Variants in LRRC7 observed in about 807,000 individuals in gnomAD.
LRRC7 encodes leucine-rich repeat-containing protein 7.
LRRC7 carries 23 observed loss-of-function variants against 175.7 expected under a neutral mutation model. That is an observed-to-expected ratio of 0.13 (90% CI 0.09 to 0.19). The LOEUF is 0.19. LRRC7 is among the 10% of genes least tolerant of loss of function. The probability of loss-of-function intolerance (pLI) is 1.00; values close to 1 mark genes in which losing one functional copy is unlikely to be tolerated. For missense variants in LRRC7, 1,354 were observed against 1,904.7 expected (o/e 0.71, Z 5.38); for synonymous variants, 685 against 680.9 (o/e 1.01, Z -0.09).
At position 69,825,870 on chromosome 1, in the gene LRRC7, T is replaced by A. The variant is rs372384712; in HGVS notation, c.500+44T>A. 7 of 1,213,296 alleles carry A rather than the reference T, an allele frequency of 5.8e-6. No individual in the cohort carries two copies. In the African/African-American group the frequency reaches 1.1e-4, roughly 19 times the overall value. The allele number at this position is 1,213,296 out of a possible 1,614,324, so 75.2% of individuals were successfully genotyped here. A position where few individuals can be genotyped will look rare whatever the true frequency, so the allele number is the denominator to read the frequency against. On this transcript the variant is annotated intron_variant, in intron 5 of 26. Transcript: ENST00000651989. ...ATTTTATTTGTATTTATATTTCCAT[T>A]GTATAATAATGTACCTAAATAGAGG...
chr1:70,103,000 G>A (rs1039763881), intron 25 of LRRC7, among the ~76,000 whole-genome samples: 1 of 152,072 alleles, frequency 6.6e-6, no homozygotes, highest in Non-Finnish European at 1.5e-5. Flanking sequence ...AGGCCGAGGT[G>A]GGCAAATCAC....
At chr1:70,071,747 G>A (rs1321267926) in intron 23 of LRRC7, among the ~76,000 whole-genome samples, 2 of 152,048 alleles carry the variant, frequency 1.3e-5, no homozygotes, top group African/African-American at 4.8e-5. Context: ...CTTTTAAGGC[G>A]GTGTTTGATT....
intron 7 of LRRC7, among the ~76,000 whole-genome samples, chr1:69,880,511 A>C (rs1447517427): frequency 6.6e-6 from 1 of 152,184 alleles, no homozygotes; most frequent in African/African-American, 2.4e-5. Flanking sequence ...AACTTCTTAG[A>C]TCCTCTTAAA....
At chr1:69,743,079 A>G (rs1384523976) in intron 2 of LRRC7, among the ~76,000 whole-genome samples, 32 of 152,056 alleles carry the variant, frequency 2.1e-4, no homozygotes, top group African/African-American at 2.4e-5. Context: ...AAGTATGAAT[A>G]TGCTTGGACT....
chr1:69,649,196 C>A (rs1028097301), intron 1 of LRRC7, among the ~76,000 whole-genome samples: 1 of 152,200 alleles, frequency 6.6e-6, no homozygotes, highest in African/African-American at 2.4e-5. Flanking sequence ...AGTTACTTTA[C>A]TTTTTGTTGC....
chr1:69,777,873 A>G (rs2101007554), intron 3 of LRRC7, among the ~76,000 whole-genome samples: 1 of 152,256 alleles, frequency 6.6e-6, no homozygotes, highest in South Asian at 2.1e-4. Flanking sequence ...CACACAGCCA[A>G]CAGTGACCCA....
At chr1:69,585,347 C>A (rs542754276) in intron 1 of LRRC7, among the ~76,000 whole-genome samples, 1 of 152,036 alleles carries the variant, frequency 6.6e-6, no homozygotes, top group East Asian at 1.9e-4. Context: ...ATTCAAAGAG[C>A]AAAAGGGAAG....
intron 7 of LRRC7, among the ~76,000 whole-genome samples, chr1:69,898,171 G>A (rs1385336255): frequency 6.6e-6 from 1 of 152,090 alleles, no homozygotes; most frequent in African/African-American, 2.4e-5. Flanking sequence ...TCTGTTTTAG[G>A]GAATATCAAC....
rs76506614 is a variant in LRRC7, at chr1:69,914,189, A to C, written c.648-17318A>C. ...TGGAATGCATAAGTCCATGCCAAAAATTTGCAGAATCCTGAGTCAGCAAAT... is the reference window on the plus strand; with the variant it reads ...TGGAATGCATAAGTCCATGCCAAAACTTTGCAGAATCCTGAGTCAGCAAAT... On this transcript the variant is annotated intron_variant, in intron 7 of 26. Coordinates refer to ENST00000651989, the MANE Select transcript of LRRC7 (RefSeq NM_001370785.2). 3.9e-3 allele frequency among the ~76,000 whole-genome samples: 598 copies of C among 152,310 alleles called. 3 individuals are homozygous for C. Among genetic ancestry groups the C allele is most frequent in the African/African-American group, 0.013 (553 of 41,580 alleles).
intron 4 of LRRC7, among the ~76,000 whole-genome samples, chr1:69,814,779 G>C (rs887889956): frequency 1.3e-5 from 2 of 152,096 alleles, no homozygotes; most frequent in Non-Finnish European, 2.9e-5. Flanking sequence ...TTTTCTAAAT[G>C]TGTTCCAAGA....
chr1:70,050,661 T>C (rs1434792925), intron 22 of LRRC7, among the ~76,000 whole-genome samples: 1 of 152,052 alleles, frequency 6.6e-6, no homozygotes, highest in East Asian at 1.9e-4. Flanking sequence ...TAGCTTCATT[T>C]TTTTAACATT....
At chr1:69,943,981 C>T (rs920423320) in intron 8 of LRRC7, among the ~76,000 whole-genome samples, 3 of 133,510 alleles carry the variant, frequency 2.2e-5, no homozygotes, top group African/African-American at 7.5e-5. Flanking sequence ...CACACACACA[C>T]ACACACAACA....
At chr1:69,780,162 A>G (rs1298344547) in intron 3 of LRRC7, among the ~76,000 whole-genome samples, 1 of 152,226 alleles carries the variant, frequency 6.6e-6, no homozygotes, top group Non-Finnish European at 1.5e-5. Context: ...TTCGTTGCAT[A>G]TGAATATTTA....
intron 1 of LRRC7, among the ~76,000 whole-genome samples, chr1:69,664,629 A>AT (rs1372070316): frequency 6.6e-6 from 1 of 152,040 alleles, no homozygotes; most frequent in African/African-American, 2.4e-5. Context: ...CTATTCAGAT[A>AT]TTTTGTCCAT....
At chr1:70,073,127 C>T (rs1662514027) in intron 23 of LRRC7, among the ~76,000 whole-genome samples, 1 of 152,150 alleles carries the variant, frequency 6.6e-6, no homozygotes. Context: ...ACCTCTTTAA[C>T]ACTATTGTGA....
rs1452436208 is a variant in LRRC7 at position 70,137,315 on chromosome 1, A to G, written c.*15428A>G. On this transcript the variant is annotated 3_prime_UTR_variant, in exon 27 of 27. Coordinates refer to ENST00000651989, the MANE Select transcript of LRRC7 (RefSeq NM_001370785.2). ...AAGGGCAGCTCCTCCTTTCTGGAGG[A>G]AGGAACTTCATCTTAAGGCTTGATA... Among the ~76,000 whole-genome samples, 2 of 152,170 alleles carry G rather than the reference A, an allele frequency of 1.3e-5. No homozygotes were observed. Among genetic ancestry groups the G allele is most frequent in the Non-Finnish European group, 2.9e-5 (2 of 68,018 alleles).
intron 12 of LRRC7, 127 bp downstream of exon 12, chr1:70,012,053 A>G (rs1571007208): frequency 8.0e-6 from 4 of 501,010 alleles, no homozygotes; most frequent in South Asian, 4.8e-5. Flanking sequence ...AATTATCTAC[A>G]TATATATTTG....
At chr1:69,716,508 T>A (rs1250845847) in intron 2 of LRRC7, among the ~76,000 whole-genome samples, 1 of 151,870 alleles carries the variant, frequency 6.6e-6, no homozygotes, top group Non-Finnish European at 1.5e-5. Context: ...CAATACTTAT[T>A]CCTTCATAAA....
intron 4 of LRRC7, among the ~76,000 whole-genome samples, chr1:69,797,920 T>C (rs1675983894): frequency 6.6e-6 from 1 of 152,048 alleles, no homozygotes; most frequent in Non-Finnish European, 1.5e-5. Context: ...TTTTTTTGTT[T>C]GTTTGTTTGT....
Sources: allele counts gnomAD v4.1 joint callset (sites outside exome capture counted in the v4.1 genomes callset), GRCh38; gene constraint gnomAD v4.1.1; transcripts MANE v1.5; gene names NCBI Gene and HGNC (gene_info 2026-07-23, HGNC 2026-07-21).